Variants in DLG2 observed in about 807,000 individuals in gnomAD.
The protein encoded by DLG2 is discs large MAGUK scaffold protein 2, also known as disks large homolog 2.
A neutral mutation model predicts 132.5 loss-of-function variants in DLG2; 45 were observed. That is an observed-to-expected ratio of 0.34 (90% confidence interval 0.27 to 0.44). DLG2 has a LOEUF of 0.44. DLG2 is among the 20% of genes least tolerant of loss of function. DLG2 has a pLI of 1.00. For missense variants in DLG2, 1,045 were observed against 1,196.9 expected (o/e 0.87, Z 1.87); for synonymous variants, 424 against 419.6 (o/e 1.01, Z -0.13).
chr11:83,741,526 T>C (rs1048024315), intron 18 of DLG2, among the ~76,000 whole-genome samples: 1 of 151,996 alleles, frequency 6.6e-6, no homozygotes, highest in Non-Finnish European at 1.5e-5. Context: ...TGGCTAACAG[T>C]AATATCATGA....
chr11:84,830,199 C>G (rs956145944), intron 6 of DLG2, among the ~76,000 whole-genome samples: 5 of 151,496 alleles, frequency 3.3e-5, no homozygotes, highest in African/African-American at 9.7e-5. Context: ...GAGAGAGAAA[C>G]AGATAGAGAA....
intron 6 of DLG2, among the ~76,000 whole-genome samples, chr11:84,655,973 A>G (rs560021503): frequency 6.6e-6 from 1 of 152,318 alleles, no homozygotes; most frequent in African/African-American, 2.4e-5. Flanking sequence ...GCCTCAGAGT[A>G]GAAAGCAAGA....
intron 11 of DLG2, among the ~76,000 whole-genome samples, chr11:83,998,909 T>C (rs1267792983): frequency 1.3e-5 from 2 of 152,168 alleles, no homozygotes; most frequent in Admixed American, 6.5e-5. Flanking sequence ...GGCTCAGGCA[T>C]GTAGTTCCTG....
chr11:85,513,311 A>G (rs113506046), intron 3 of DLG2, among the ~76,000 whole-genome samples: 1 of 152,090 alleles, frequency 6.6e-6, no homozygotes, highest in Non-Finnish European at 1.5e-5. Flanking sequence ...CCCAAATAAC[A>G]GACCTGCATA....
chr11:85,009,909 A>C (rs947144826), intron 6 of DLG2, among the ~76,000 whole-genome samples: 2 of 152,100 alleles, frequency 1.3e-5, no homozygotes, highest in Admixed American at 6.6e-5. Context: ...ATGTAAATGC[A>C]TCTATGCTTT....
At chr11:84,772,126 C>G (rs547647483) in intron 6 of DLG2, among the ~76,000 whole-genome samples, 1 of 151,660 alleles carries the variant, frequency 6.6e-6, no homozygotes, top group East Asian at 1.9e-4. Context: ...TCAGATAAAA[C>G]AGACTTTAAA....
intron 6 of DLG2, among the ~76,000 whole-genome samples, chr11:84,623,268 C>A (rs187272336): frequency 2.6e-5 from 4 of 152,140 alleles, no homozygotes; most frequent in Admixed American, 2.6e-4. Flanking sequence ...ATGACCCCAC[C>A]TTTTTTCAAG....
chr11:84,664,320 T>A (rs1318126147), intron 6 of DLG2, among the ~76,000 whole-genome samples: 1 of 152,124 alleles, frequency 6.6e-6, no homozygotes, highest in African/African-American at 2.4e-5. Context: ...AAGCCTGAAA[T>A]AATTTGTCCA....
At chr11:83,488,223 T>A (rs1336042205) in intron 21 of DLG2, among the ~76,000 whole-genome samples, 1 of 152,044 alleles carries the variant, frequency 6.6e-6, no homozygotes, top group Non-Finnish European at 1.5e-5. Context: ...AAACCACTCA[T>A]TCCAACCCTC....
chr11:83,787,053 A>T (rs1412666930), intron 17 of DLG2, among the ~76,000 whole-genome samples: 1 of 152,200 alleles, frequency 6.6e-6, no homozygotes, highest in African/African-American at 2.4e-5. Flanking sequence ...TAGTGTATGC[A>T]TTTAATATGC....
At chr11:84,572,190 G>T (rs527918279) in intron 6 of DLG2, among the ~76,000 whole-genome samples, 2 of 152,084 alleles carry the variant, frequency 1.3e-5, no homozygotes, top group Non-Finnish European at 2.9e-5. Flanking sequence ...TTAGCATTAG[G>T]TACATCTAGA....
chr11:83,573,217 T>A (rs1489026844), intron 19 of DLG2, among the ~76,000 whole-genome samples: 1 of 152,180 alleles, frequency 6.6e-6, no homozygotes, highest in African/African-American at 2.4e-5. Context: ...ATGTGATTTA[T>A]CCTATTAAAA....
At chr11:84,563,661 C>T (rs557671762) in intron 6 of DLG2, among the ~76,000 whole-genome samples, 3 of 152,220 alleles carry the variant, frequency 2.0e-5, no homozygotes, top group Non-Finnish European at 2.9e-5. Context: ...TGTTCTTACA[C>T]TCATGCGTAG....
intron 4 of DLG2, among the ~76,000 whole-genome samples, chr11:85,216,123 C>A (rs2082577231): frequency 6.6e-6 from 1 of 151,986 alleles, no homozygotes; most frequent in South Asian, 2.1e-4. Context: ...CAGATCCACC[C>A]TGGGCAATAC....
At chr11:83,947,005 G>A (rs1052377911) in intron 14 of DLG2, among the ~76,000 whole-genome samples, 6 of 152,130 alleles carry the variant, frequency 3.9e-5, no homozygotes, top group African/African-American at 7.2e-5. Context: ...ATGAAACTTC[G>A]ACAGTATATG....
chr11:84,408,066 C>T (rs1358214911), intron 7 of DLG2, among the ~76,000 whole-genome samples: 1 of 152,080 alleles, frequency 6.6e-6, no homozygotes, highest in Non-Finnish European at 1.5e-5. Context: ...TAATTTATCC[C>T]AGATAGAACA....
In DLG2 at chr11:83,874,488, A is replaced by G. The variant is rs767980293; in HGVS notation, c.1497T>C (p.Ser499=). 7.5e-6 allele frequency: 12 copies of G among 1,593,516 alleles called. No individual in the cohort carries two copies. The East Asian group carries it at 2.5e-4, about 33-fold the overall frequency. ...LGLLPDSEMT[S]HSQHSTATRQ... is the part of the protein sequence containing the mutation. ...GAGTTGCGGTGCTATGTTGGGAATG[A>G]CTGCAAGAAAAGACAGAAGAAACAC... is the stretch of plus-strand genomic sequence containing the variant. Residue 499 remains serine (S), a splice_region_variant and synonymous_variant, in exon 16 of 28, where the codon AGT becomes AGC. Coordinates refer to ENST00000376104, the MANE Select transcript of DLG2 (RefSeq NM_001142699.3).
intron 6 of DLG2, among the ~76,000 whole-genome samples, chr11:84,675,422 A>G (rs181598672): frequency 6.6e-6 from 1 of 152,230 alleles, no homozygotes; most frequent in East Asian, 1.9e-4. Flanking sequence ...AACCTTTCTC[A>G]GGGATTCGAA....
intron 15 of DLG2, among the ~76,000 whole-genome samples, chr11:83,880,442 G>T (rs1007966511): frequency 6.6e-6 from 1 of 152,150 alleles, no homozygotes; most frequent in African/African-American, 2.4e-5. Flanking sequence ...AGGAGCTAAG[G>T]AGAAGACACT....
Sources: gnomAD v4.1 joint callset for allele counts (sites outside exome capture counted in the v4.1 genomes callset) on GRCh38, gnomAD v4.1.1 for gene constraint, MANE v1.5 for transcripts, NCBI Gene and HGNC (gene_info 2026-07-23, HGNC 2026-07-21) for gene names.